Variants in ERI1 observed in about 807,000 individuals in gnomAD.
ERI1 encodes the protein exoribonuclease 1.
Under a neutral mutation model 39.7 loss-of-function variants are expected in ERI1, and 39 were observed. That is an observed-to-expected ratio of 0.98 (90% CI 0.76 to 1.28). ERI1 has a LOEUF of 1.28. ERI1 is among the 50% of genes most tolerant of loss of function. The pLI is 0.00. For missense variants in ERI1, 581 were observed against 416.9 expected (o/e 1.39, Z -3.43); for synonymous variants, 204 against 149.6 (o/e 1.36, Z -2.65).
intron 1 of ERI1, chr8:9,004,217 T>C: frequency 7.9e-7 from 1 of 1,271,592 alleles, no homozygotes; most frequent in Non-Finnish European, 1.0e-6. Context: ...AAAGAGTACT[T>C]GCACATCCCT....
At chr8:9,066,523 C>A (rs1252284122) in intron 3 of ERI1, among the ~76,000 whole-genome samples, 1 of 152,098 alleles carries the variant, frequency 6.6e-6, no homozygotes, top group Non-Finnish European at 1.5e-5. Context: ...GTTCACCTGG[C>A]CTTTGGGTTG....
chr8:9,030,115 G>A lies in ERI1; in HGVS notation c.*81G>A. 1 of 1,557,878 alleles carries A rather than the reference G, an allele frequency of 6.4e-7. No individual in the cohort carries two copies. Among genetic ancestry groups the A allele is most frequent in the Non-Finnish European group, 8.8e-7 (1 of 1,141,390 alleles). ...TGAATCTCATTGAATTAGTCCTGTA[G>A]TGCAAACTTTAAGCACCTTAAAACA... On this transcript the variant is annotated 3_prime_UTR_variant, in exon 7 of 7. Coordinates refer to ENST00000250263, the MANE Select transcript of ERI1 (RefSeq NM_153332.4).
At chr8:9,086,988 TG>T (rs1477977062) in intron 3 of ERI1, among the ~76,000 whole-genome samples, 2 of 152,310 alleles carry the variant, frequency 1.3e-5, no homozygotes, top group Non-Finnish European at 2.9e-5. Flanking sequence ...GGTAGGATTC[TG>T]AGTAACTTTG....
At chr8:9,052,580 A>T (rs1291435643) in intron 3 of ERI1, among the ~76,000 whole-genome samples, 1 of 152,180 alleles carries the variant, frequency 6.6e-6, no homozygotes, top group African/African-American at 2.4e-5. Flanking sequence ...GTATGAAGGG[A>T]CATCTTTTGC....
rs572458497 is a variant in ERI1 at position 9,014,366 on chromosome 8, G to C, written c.499-1956G>C. ...TCTTACCTCTAAATAAAGCCTACTT[G>C]ATTATCCTATTTAAGAGTGTGGCCT... On this transcript the variant is annotated intron_variant, in intron 3 of 6. Coordinates refer to ENST00000250263, the MANE Select transcript of ERI1 (RefSeq NM_153332.4). Among the ~76,000 whole-genome samples the C allele has an allele frequency of 2.0e-5, 3 of 152,186 alleles. No homozygotes were observed. The South Asian group carries it at 6.2e-4, about 32-fold the overall frequency.
At chr8:9,038,745 C>A (rs1442648150) in intron 3 of ERI1, among the ~76,000 whole-genome samples, 2 of 152,136 alleles carry the variant, frequency 1.3e-5, no homozygotes, top group African/African-American at 2.4e-5. Context: ...TGTGAAGTTT[C>A]TTCTATATTT....
At chr8:9,078,688 G>A (rs1269365632) in intron 3 of ERI1, among the ~76,000 whole-genome samples, 1 of 152,176 alleles carries the variant, frequency 6.6e-6, no homozygotes, top group East Asian at 1.9e-4. Flanking sequence ...CATATTCTCA[G>A]GTCCACCCAG....
chr8:9,046,906 C>A (rs1195800122), intron 3 of ERI1, among the ~76,000 whole-genome samples: 2 of 152,214 alleles, frequency 1.3e-5, no homozygotes, highest in Non-Finnish European at 2.9e-5. Context: ...ATTTCACACA[C>A]GCTGATTGCA....
chr8:9,065,252 G>T (rs1454070392), intron 3 of ERI1, among the ~76,000 whole-genome samples: 2 of 152,180 alleles, frequency 1.3e-5, no homozygotes, highest in African/African-American at 4.8e-5. Flanking sequence ...GGAATGCTCA[G>T]AATAAGATTG....
At chr8:9,021,436 T>A (rs79357319) in intron 6 of ERI1, among the ~76,000 whole-genome samples, 1 of 152,342 alleles carries the variant, frequency 6.6e-6, no homozygotes, top group South Asian at 2.1e-4. Context: ...CCTTTACAGT[T>A]TCATTTTGGA....
chr8:9,053,441 G>A (rs1403339665), intron 3 of ERI1, among the ~76,000 whole-genome samples: 1 of 152,164 alleles, frequency 6.6e-6, no homozygotes, highest in Non-Finnish European at 1.5e-5. Flanking sequence ...GGCATGCCCA[G>A]AGAGGGAATG....
At chr8:9,084,350 C>G (rs182012336) in intron 3 of ERI1, among the ~76,000 whole-genome samples, 9 of 152,310 alleles carry the variant, frequency 5.9e-5, no homozygotes, top group Non-Finnish European at 7.4e-5. Context: ...GAGAGCTGGA[C>G]TTTATTGCTT....
intron 1 of ERI1, among the ~76,000 whole-genome samples, chr8:9,006,313 A>T (rs1816016658): frequency 6.6e-6 from 1 of 152,184 alleles, no homozygotes; most frequent in South Asian, 2.1e-4. Flanking sequence ...AAAGGAAGCA[A>T]ATTTTTCTTT....
chr8:9,052,392 A>G (rs771176729), intron 3 of ERI1, among the ~76,000 whole-genome samples: 1 of 151,334 alleles, frequency 6.6e-6, no homozygotes, highest in Non-Finnish European at 1.5e-5. Flanking sequence ...AACTGGACAA[A>G]CTCCACTAGT....
intron 1 of ERI1, 29 bp from the exon 2 acceptor site, chr8:9,007,941 T>C (rs1816205429): frequency 2.8e-5 from 20 of 711,904 alleles, no homozygotes; most frequent in Non-Finnish European, 3.3e-5. Flanking sequence ...CATCCTTTTT[T>C]TTTTTTTTTT....
In ERI1 at chr8:9,033,182, A is replaced by G. The variant is rs1397042840; in HGVS notation, c.*3148A>G. 3 of 117,002 alleles carry G rather than the reference A, an allele frequency of 2.6e-5. No individual in the cohort carries two copies. The Admixed American group carries it at 2.9e-4, about 11-fold the overall frequency. 7.2% of individuals were successfully genotyped at this position (117,002 alleles called of 1,614,324 possible). A position where few individuals can be genotyped will look rare whatever the true frequency, so the allele number is the denominator to read the frequency against. ...TGTTAATCTAGAGCAGGGGTCAGCA[A>G]ACTACCACCCATGGGCCAAATCTGG... is the stretch of plus-strand genomic sequence containing the variant. On this transcript the variant is annotated 3_prime_UTR_variant, in exon 7 of 7. Transcript: ENST00000250263.
intron 3 of ERI1, among the ~76,000 whole-genome samples, chr8:9,061,584 G>T (rs1798699048): frequency 6.6e-6 from 1 of 152,230 alleles, no homozygotes; most frequent in African/African-American, 2.4e-5. Context: ...GGACAGAAAG[G>T]CTACACAGTG....
At chr8:9,080,810 G>T (rs1007317619) in intron 3 of ERI1, among the ~76,000 whole-genome samples, 1 of 152,152 alleles carries the variant, frequency 6.6e-6, no homozygotes, top group Non-Finnish European at 1.5e-5. Context: ...AGCTAAATGG[G>T]GGGTGGAGGG....
intron 3 of ERI1, among the ~76,000 whole-genome samples, chr8:9,078,771 G>A (rs1187068156): frequency 6.6e-6 from 1 of 152,156 alleles, no homozygotes; most frequent in Admixed American, 6.5e-5. Context: ...GGTATCTGCT[G>A]CATGCTCAAA....
Sources: gnomAD v4.1 joint callset for allele counts (sites outside exome capture counted in the v4.1 genomes callset) on GRCh38, gnomAD v4.1.1 for gene constraint, MANE v1.5 for transcripts, NCBI Gene and HGNC (gene_info 2026-07-23, HGNC 2026-07-21) for gene names.